The following ORAI3 variants were observed in gnomAD, a reference collection of about 807,000 sequenced individuals.
ORAI3 encodes the protein protein orai-3.
Under a neutral mutation model 17.2 loss-of-function variants are expected in ORAI3, and 15 were observed. That is an observed-to-expected ratio of 0.87 (90% CI 0.58 to 1.34). The LOEUF is 1.34. ORAI3 is among the 40% of genes most tolerant of loss of function. ORAI3 has a pLI of 0.00. For synonymous variants in ORAI3, 178 were observed against 172.4 expected, an observed-to-expected ratio of 1.03 and a Z score of -0.25; for missense variants, 405 against 396.7, an observed-to-expected ratio of 1.02 and a Z score of -0.18.
chr16:30,949,558 A>C (rs2055911984), intron 1 of ORAI3, 41 bp downstream of exon 1: 33 of 288,472 alleles, frequency 1.1e-4, no homozygotes, highest in East Asian at 2.2e-4. Context: ...GGGCAGAGCA[A>C]GTGGGGGGCA....
rs1282957470 is a variant in ORAI3, at chr16:30,954,037, G to A, written c.*193G>A. The A allele has an allele frequency of 2.8e-6, 2 of 724,620 alleles. No homozygotes were observed. Among genetic ancestry groups the A allele is most frequent in the Admixed American group, 4.0e-5 (2 of 50,040 alleles). The allele number at this position is 724,620 out of a possible 1,614,324, so 44.9% of individuals were successfully genotyped here. A position where few individuals can be genotyped will look rare whatever the true frequency, so the allele number is the denominator to read the frequency against. On this transcript the variant is annotated 3_prime_UTR_variant, in exon 2 of 2. Coordinates refer to ENST00000318663, the MANE Select transcript of ORAI3 (RefSeq NM_152288.3). ...CTTGGGGCAGCTCCCACATTCCCAG[G>A]GATTTTCCCCATCAGTCTGTCCCTT...
Position 30,951,710 on chromosome 16 carries a change from C to CA in ORAI3, c.229-1462dup, listed in dbSNP as rs562061259. The stretch of plus-strand genomic sequence containing the variant: ...CAACATAGCAAGACCTGGCATCTAC[C>CA]AAAAAAAAAAAAAGAGAGACCCCAT... On this transcript the variant is annotated intron_variant, in intron 1 of 1. Coordinates refer to ENST00000318663, the MANE Select transcript of ORAI3 (RefSeq NM_152288.3). 8.6e-3 allele frequency among the ~76,000 whole-genome samples: 1,156 copies of CA among 134,424 alleles called. 63 individuals carry two copies. The South Asian group carries it at 0.14, about 17-fold the overall frequency. 88.2% of individuals were successfully genotyped at this position (134,424 alleles called of 152,430 possible).
In ORAI3 at chr16:30,954,256, T is replaced by C. The variant is rs1312010779; in HGVS notation, c.*412T>C. The C allele has an allele frequency of 7.9e-6, 5 of 630,094 alleles. No homozygotes were observed. Among genetic ancestry groups the C allele is most frequent in the Non-Finnish European group, 1.4e-5 (5 of 352,352 alleles). The allele number at this position is 630,094 out of a possible 1,614,324, so 39.0% of individuals were successfully genotyped here. Reference sequence around the variant, plus strand: ...TTTTTTTTTTTTTGAGACAGTCTGTTTCCCAGGCTGGAGTGTAGTGATACA... The same window carrying C: ...TTTTTTTTTTTTTGAGACAGTCTGTCTCCCAGGCTGGAGTGTAGTGATACA... On this transcript the variant is annotated 3_prime_UTR_variant, in exon 2 of 2. Transcript: ENST00000318663.
chr16:30,952,078 T>G (rs1328957782), intron 1 of ORAI3, among the ~76,000 whole-genome samples: 1 of 152,040 alleles, frequency 6.6e-6, no homozygotes, highest in Non-Finnish European at 1.5e-5. Context: ...CTTTTCCTTT[T>G]CCTTTCCTTT....
In ORAI3 at chr16:30,953,774, A is replaced by G. The variant is rs1296393587; in HGVS notation, c.818A>G (p.His273Arg). The G allele has an allele frequency of 1.2e-6, 2 of 1,613,854 alleles. No individual in the cohort carries two copies. Among genetic ancestry groups the G allele is most frequent in the Non-Finnish European group, 8.5e-7 (1 of 1,180,036 alleles). The change falls in exon 2 of 2, where the codon CAC (histidine) becomes CGC (arginine). Residue 273 changes from histidine to arginine, a missense_variant. By Grantham distance (29) the His-to-Arg change is conservative. Transcript: ENST00000318663. ...CATTTCTACCGCTCCTTGGTGGCAC[A>G]CAAGACAGACCGCTACAAGCAGGAA... ...ALHFYRSLVA[H>R]KTDRYKQELE...
chr16:30,949,093 C>T lies in ORAI3; in HGVS notation c.-197C>T. The stretch of plus-strand genomic sequence containing the variant: ...AGTTCCTGTTTTGGCCTCCGCTGTC[C>T]CGCTCCGGCTCCTGGGGCTCCCCGC... On this transcript the variant is annotated 5_prime_UTR_variant, in exon 1 of 2. Coordinates refer to ENST00000318663, the MANE Select transcript of ORAI3 (RefSeq NM_152288.3). 2 of 474,106 alleles carry T rather than the reference C, an allele frequency of 4.2e-6. No individual in the cohort carries two copies. Among genetic ancestry groups the T allele is most frequent in the Non-Finnish European group, 7.3e-6 (2 of 273,410 alleles). 29.4% of individuals were successfully genotyped at this position (474,106 alleles called of 1,614,324 possible).
chr16:30,949,574 C>CGG (rs202180769), intron 1 of ORAI3, 57 bp downstream of exon 1: 50 of 235,788 alleles, frequency 2.1e-4, no homozygotes, highest in African/African-American at 2.0e-3. Context: ...GGGCACAGGT[C>CGG]GGGGGGGGGG....
Position 30,953,391 on chromosome 16 carries a change from C to T in ORAI3, c.435C>T (p.Arg145=). 1 of 1,614,274 alleles carries T rather than the reference C, an allele frequency of 6.2e-7. No homozygotes were observed. The highest frequency in any genetic ancestry group is 8.5e-7 in the Non-Finnish European group (1 of 1,180,036). ...AGTCGCCACACCAGAGACTGCACCG[C>T]TACGTGGAGCTGGCCTGGGGCTTCT... ...VHQSPHQRLH[R]YVELAWGFST... is the part of the protein sequence containing the mutation. Residue 145 remains arginine (R), a synonymous_variant, in exon 2 of 2, where the codon CGC becomes CGT. Coordinates refer to ENST00000318663, the MANE Select transcript of ORAI3 (RefSeq NM_152288.3).
At position 30,949,286 on chromosome 16, in the gene ORAI3, C is replaced by CCA; in HGVS notation, c.-4_-3insCA. ...TGACCGCCTGGTGCCGCCCCCCCCC[C>CCA]AGGATGAAGGGCGGCGAGGGGGACG... On this transcript the variant is annotated 5_prime_UTR_variant, in exon 1 of 2. Transcript: ENST00000318663. 7.1e-7 allele frequency: 1 copy of CCA among 1,402,284 alleles called. No individual in the cohort carries two copies. Among genetic ancestry groups the CCA allele is most frequent in the Non-Finnish European group, 9.2e-7 (1 of 1,084,196 alleles). 86.9% of individuals were successfully genotyped at this position (1,402,284 alleles called of 1,614,324 possible).
Position 30,949,411 on chromosome 16 carries a change from C to A in ORAI3, c.122C>A (p.Ala41Asp), listed in dbSNP as rs368358471. 1.5e-5 allele frequency: 24 copies of A among 1,602,704 alleles called. No individual in the cohort carries two copies. The highest frequency in any genetic ancestry group is 2.3e-5 in the East Asian group (1 of 44,154). ...CGCGGCTACCTGGACCTCATGGGGG[C>A]CAGTCAGCACTCGCTGCGGGCGCTC... is the stretch of plus-strand genomic sequence containing the variant. ...VHRGYLDLMG[A>D]SQHSLRALSW... is the part of the protein sequence containing the mutation. The change falls in exon 1 of 2, where the codon GCC becomes GAC. Residue 41 changes from alanine (A) to aspartate (D), a missense_variant. Coordinates refer to ENST00000318663, the MANE Select transcript of ORAI3 (RefSeq NM_152288.3).
In ORAI3 at chr16:30,949,192, C is replaced by G. The variant is rs1212367722; in HGVS notation, c.-98C>G. The G allele has an allele frequency of 2.4e-6, 2 of 837,906 alleles. No homozygotes were observed. The highest frequency in any genetic ancestry group is 3.6e-5 in the African/African-American group (2 of 55,008). 51.9% of individuals were successfully genotyped at this position (837,906 alleles called of 1,614,324 possible). A position where few individuals can be genotyped will look rare whatever the true frequency, so the allele number is the denominator to read the frequency against. On this transcript the variant is annotated 5_prime_UTR_variant, in exon 1 of 2. Transcript: ENST00000318663. ...GCCGCCTGCATCCTGCTCGTCCTGT[C>G]TGGGAATGGGGCCGCCCCCGGGCTT...
chr16:30,949,416 C>G lies in ORAI3; in HGVS notation c.127C>G (p.Gln43Glu), dbSNP rs1340581627. 1.2e-6 allele frequency: 2 copies of G among 1,604,410 alleles called. No individual in the cohort carries two copies. Among genetic ancestry groups the G allele is most frequent in the Non-Finnish European group, 8.5e-7 (1 of 1,176,842 alleles). The change falls in exon 1 of 2, where the codon CAG becomes GAG. Residue 43 changes from glutamine to glutamate, a missense_variant. Transcript: ENST00000318663. ...RGYLDLMGAS[Q>E]HSLRALSWRR... ...CTACCTGGACCTCATGGGGGCCAGT[C>G]AGCACTCGCTGCGGGCGCTCAGCTG... is the stretch of plus-strand genomic sequence containing the variant.
At chr16:30,953,116 C>A in intron 1 of ORAI3, 69 bp from the exon 2 acceptor site, 1 of 1,459,932 alleles carries the variant, frequency 6.8e-7, no homozygotes, top group Non-Finnish European at 9.2e-7. Context: ...TGATGTATCC[C>A]GATAGGCGGA....
Position 30,953,887 on chromosome 16 carries a change from C to T in ORAI3, c.*43C>T, listed in dbSNP as rs571311329. The T allele has an allele frequency of 3.4e-5, 53 of 1,574,916 alleles. No individual in the cohort carries two copies. Among genetic ancestry groups the T allele is most frequent in the Middle Eastern group, 1.7e-4 (1 of 5,914 alleles). ...GCTCACTGCAAGCACTGCCTCCCTC[C>T]GGGGTCTGTAAGAGGCCGCAGGGGC... On this transcript the variant is annotated 3_prime_UTR_variant, in exon 2 of 2. Coordinates refer to ENST00000318663, the MANE Select transcript of ORAI3 (RefSeq NM_152288.3).
Position 30,949,410 on chromosome 16 carries a change from G to T in ORAI3, c.121G>T (p.Ala41Ser). 6.2e-7 allele frequency: 1 copy of T among 1,602,724 alleles called. No individual in the cohort carries two copies. Among genetic ancestry groups the T allele is most frequent in the South Asian group, 1.1e-5 (1 of 89,460 alleles). The change falls in exon 1 of 2, where the codon GCC becomes TCC. Residue 41 changes from alanine (A) to serine (S), a missense_variant. Ala to Ser is a moderately conservative substitution (Grantham distance 99). Coordinates refer to ENST00000318663, the MANE Select transcript of ORAI3 (RefSeq NM_152288.3). ...CCGCGGCTACCTGGACCTCATGGGG[G>T]CCAGTCAGCACTCGCTGCGGGCGCT... is the stretch of plus-strand genomic sequence containing the variant. ...VHRGYLDLMG[A>S]SQHSLRALSW...
rs571543593 is a variant in ORAI3 at position 30,952,838 on chromosome 16, G to A, written c.229-347G>A. Among the ~76,000 whole-genome samples the A allele has an allele frequency of 2.0e-4, 30 of 151,736 alleles. No homozygotes were observed. In the South Asian group the frequency reaches 5.6e-3, roughly 29 times the overall value. ...GTGCCACGATGCCCGGCTAATTTTT[G>A]TACTTTTAGTAGAGACGGGGTTTCG... On this transcript the variant is annotated intron_variant, in intron 1 of 1. Coordinates refer to ENST00000318663, the MANE Select transcript of ORAI3 (RefSeq NM_152288.3).
chr16:30,953,879 C>T lies in ORAI3; in HGVS notation c.*35C>T, dbSNP rs759455407. The T allele has an allele frequency of 1.9e-6, 3 of 1,580,494 alleles. No individual in the cohort carries two copies. The highest frequency in any genetic ancestry group is 8.6e-7 in the Non-Finnish European group (1 of 1,166,006). The stretch of plus-strand genomic sequence containing the variant: ...TAGCCACCGCTCACTGCAAGCACTG[C>T]CTCCCTCCGGGGTCTGTAAGAGGCC... On this transcript the variant is annotated 3_prime_UTR_variant, in exon 2 of 2. Coordinates refer to ENST00000318663, the MANE Select transcript of ORAI3 (RefSeq NM_152288.3).
rs2055934207 is a variant in ORAI3 at position 30,953,409 on chromosome 16, G to A, written c.453G>A (p.Trp151Ter). The A allele has an allele frequency of 1.2e-6, 2 of 1,614,120 alleles. No individual in the cohort carries two copies. Among genetic ancestry groups the A allele is most frequent in the Non-Finnish European group, 1.7e-6 (2 of 1,180,052 alleles). ...TGCACCGCTACGTGGAGCTGGCCTG[G>A]GGCTTCTCCACTGCCCTGGGCACCT... is the stretch of plus-strand genomic sequence containing the variant. ...QRLHRYVELA[W>*]GFSTALGTFL... Residue 151 changes from tryptophan to a stop codon, truncating the protein, a stop_gained, in exon 2 of 2, where the codon TGG (tryptophan) becomes TGA (stop). Coordinates refer to ENST00000318663, the MANE Select transcript of ORAI3 (RefSeq NM_152288.3). LOFTEE classifies it high-confidence loss of function.
In ORAI3 at chr16:30,949,273, G is replaced by T. The variant is rs1278635997; in HGVS notation, c.-17G>T. 1.4e-6 allele frequency: 2 copies of T among 1,388,974 alleles called. No homozygotes were observed. The highest frequency in any genetic ancestry group is 1.6e-5 in the South Asian group (1 of 62,588). The allele number at this position is 1,388,974 out of a possible 1,614,324, so 86.0% of individuals were successfully genotyped here. On this transcript the variant is annotated 5_prime_UTR_variant, in exon 1 of 2. Coordinates refer to ENST00000318663, the MANE Select transcript of ORAI3 (RefSeq NM_152288.3). ...TTCCGCCCCGTAGTGACCGCCTGGT[G>T]CCGCCCCCCCCCCAGGATGAAGGGC...
Sources: gnomAD v4.1 joint callset for allele counts (sites outside exome capture counted in the v4.1 genomes callset) on GRCh38, gnomAD v4.1.1 for gene constraint, MANE v1.5 for transcripts, NCBI Gene and HGNC (gene_info 2026-07-23, HGNC 2026-07-21) for gene names.